Variants in SORCS3 observed in about 807,000 individuals in gnomAD.
SORCS3 encodes the protein VPS10 domain-containing receptor SorCS3.
In SORCS3, 57 loss-of-function variants were observed where a neutral mutation model predicts 146.3. The observed-to-expected ratio is 0.39, with a 90% confidence interval of 0.31 to 0.49. The LOEUF (loss-of-function observed/expected upper bound fraction) is 0.49, where lower values mean the gene tolerates loss of function less well. Among genes scored for constraint, SORCS3 ranks in the 20% least tolerant of loss-of-function variants. The pLI is 0.92. For synonymous variants in SORCS3, 653 were observed against 618.5 expected (o/e 1.06, Z -0.83); for missense variants, 1,341 against 1,575.5 (o/e 0.85, Z 2.52).
At chr10:104,891,839 A>G (rs747778635) in intron 2 of SORCS3, among the ~76,000 whole-genome samples, 6 of 152,266 alleles carry the variant, frequency 3.9e-5, no homozygotes, top group South Asian at 2.1e-4. Flanking sequence ...TCTTTCTTCC[A>G]GGTTGGTGCT....
intron 5 of SORCS3, among the ~76,000 whole-genome samples, chr10:105,082,981 G>T (rs1182250533): frequency 2.0e-5 from 3 of 152,014 alleles, no homozygotes; most frequent in African/African-American, 7.2e-5. Flanking sequence ...GCCCGCCTTG[G>T]CCTCCCAAAG....
At chr10:104,903,443 C>A (rs2133591607) in intron 2 of SORCS3, among the ~76,000 whole-genome samples, 1 of 152,050 alleles carries the variant, frequency 6.6e-6, no homozygotes, top group South Asian at 2.1e-4. Flanking sequence ...CAATAGAAAA[C>A]CAGAGAAAGG....
chr10:104,677,621 A>G lies in SORCS3; in HGVS notation c.627+35667A>G, dbSNP rs553574145. 4.6e-4 allele frequency among the ~76,000 whole-genome samples: 70 copies of G among 152,306 alleles called. 1 individual carries two copies. In the South Asian group the frequency reaches 6.9e-3, roughly 15 times the overall value. ...GGCCTCCTGAACCATCATCTTCATT[A>G]TTGAAACATTAAACACCCTTTGGTC... On this transcript the variant is annotated intron_variant, in intron 1 of 26. Coordinates refer to ENST00000369701, the MANE Select transcript of SORCS3 (RefSeq NM_014978.3).
At chr10:104,931,306 G>C (rs2019205565) in intron 3 of SORCS3, among the ~76,000 whole-genome samples, 2 of 152,190 alleles carry the variant, frequency 1.3e-5, no homozygotes, top group South Asian at 4.2e-4. Flanking sequence ...TACAGGCAGA[G>C]CTGGGCAGCT....
chr10:104,892,791 TC>T (rs1238969059), intron 2 of SORCS3, among the ~76,000 whole-genome samples: 1 of 152,150 alleles, frequency 6.6e-6, no homozygotes, highest in Non-Finnish European at 1.5e-5. Flanking sequence ...AGTTCTTTCC[TC>T]CCACTTTATG....
chr10:105,108,164 G>A (rs2055835876), intron 7 of SORCS3, among the ~76,000 whole-genome samples: 1 of 152,112 alleles, frequency 6.6e-6, no homozygotes, highest in East Asian at 1.9e-4. Flanking sequence ...ACTTAGGAAG[G>A]CCTCATTGAG....
intron 1 of SORCS3, among the ~76,000 whole-genome samples, chr10:104,819,925 A>T (rs780804960): frequency 6.6e-6 from 1 of 152,210 alleles, no homozygotes; most frequent in Non-Finnish European, 1.5e-5. Context: ...TATGAAATCA[A>T]ACCTGCCGTT....
At chr10:104,673,883 T>G (rs1362585032) in intron 1 of SORCS3, among the ~76,000 whole-genome samples, 4 of 152,254 alleles carry the variant, frequency 2.6e-5, no homozygotes, top group Non-Finnish European at 1.5e-5. Context: ...CTCTCCTCCT[T>G]TAGCAGCTCT....
chr10:104,848,733 C>T (rs2018236418), intron 2 of SORCS3, among the ~76,000 whole-genome samples: 1 of 152,188 alleles, frequency 6.6e-6, no homozygotes, highest in South Asian at 2.1e-4. Flanking sequence ...GAATGGGTCA[C>T]AGAACTTTCA....
At chr10:105,165,862 G>T (rs1476047104) in intron 12 of SORCS3, among the ~76,000 whole-genome samples, 3 of 151,998 alleles carry the variant, frequency 2.0e-5, no homozygotes, top group Non-Finnish European at 4.4e-5. Context: ...TACTAGACAG[G>T]GCAAAAATGA....
At chr10:104,994,955 G>T (rs1040212688) in intron 4 of SORCS3, among the ~76,000 whole-genome samples, 1 of 152,066 alleles carries the variant, frequency 6.6e-6, no homozygotes, top group African/African-American at 2.4e-5. Context: ...AAATAGTAGT[G>T]GAATGGCTGG....
chr10:105,003,820 C>T (rs1396617145), intron 4 of SORCS3, among the ~76,000 whole-genome samples: 5 of 152,036 alleles, frequency 3.3e-5, no homozygotes, highest in Non-Finnish European at 7.4e-5. Context: ...AACAGTTCAG[C>T]CCTTAGAACT....
At chr10:104,663,263 T>C (rs1589450461) in intron 1 of SORCS3, among the ~76,000 whole-genome samples, 1 of 152,278 alleles carries the variant, frequency 6.6e-6, no homozygotes, top group East Asian at 1.9e-4. Flanking sequence ...ACAAACTCCG[T>C]AACAACTGCT....
intron 1 of SORCS3, among the ~76,000 whole-genome samples, chr10:104,720,224 G>T (rs1036815908): frequency 6.6e-6 from 1 of 152,106 alleles, no homozygotes; most frequent in African/African-American, 2.4e-5. Context: ...AGAAAATGCG[G>T]TGTTTGGTTT....
chr10:104,900,587 T>C (rs943845995), intron 2 of SORCS3, among the ~76,000 whole-genome samples: 5 of 152,150 alleles, frequency 3.3e-5, no homozygotes, highest in Non-Finnish European at 7.3e-5. Flanking sequence ...TCCCCTCTTA[T>C]GCCCGTGTAA....
At chr10:104,957,061 A>G (rs992892053) in intron 3 of SORCS3, among the ~76,000 whole-genome samples, 5 of 152,272 alleles carry the variant, frequency 3.3e-5, no homozygotes, top group African/African-American at 1.2e-4. Context: ...GTGCATGGAC[A>G]TTCATTGGGT....
chr10:104,687,107 A>G (rs1469588366), intron 1 of SORCS3, among the ~76,000 whole-genome samples: 1 of 151,974 alleles, frequency 6.6e-6, no homozygotes, highest in Non-Finnish European at 1.5e-5. Context: ...TCATCTTTCC[A>G]TCCATTTATC....
intron 12 of SORCS3, among the ~76,000 whole-genome samples, chr10:105,165,911 G>A (rs2056308986): frequency 6.6e-6 from 1 of 152,068 alleles, no homozygotes; most frequent in South Asian, 2.1e-4. Context: ...AAAGGATAAG[G>A]ATAACTTCTC....
chr10:104,815,791 C>A (rs973651777), intron 1 of SORCS3, among the ~76,000 whole-genome samples: 8 of 152,152 alleles, frequency 5.3e-5, no homozygotes, highest in Non-Finnish European at 1.0e-4. Flanking sequence ...TCAGTGGACA[C>A]ATATGTATTA....
Sources: gnomAD v4.1 joint callset for allele counts (sites outside exome capture counted in the v4.1 genomes callset) on GRCh38, gnomAD v4.1.1 for gene constraint, MANE v1.5 for transcripts, NCBI Gene and HGNC (gene_info 2026-07-23, HGNC 2026-07-21) for gene names.